Variants in SPPL2A observed in about 807,000 individuals in gnomAD.
The protein encoded by SPPL2A is signal peptide peptidase-like 2A.
Under a neutral mutation model 63.8 loss-of-function variants are expected in SPPL2A, and 51 were observed. The observed-to-expected ratio is 0.80, with a 90% CI of 0.64 to 1.01. SPPL2A has a LOEUF of 1.01. Among genes scored for constraint, SPPL2A ranks in the 50% least tolerant of loss-of-function variants. The probability of loss-of-function intolerance (pLI) is 0.00; values close to 1 mark genes in which losing one functional copy is unlikely to be tolerated. For missense variants in SPPL2A, 553 were observed against 622.7 expected (o/e 0.89, Z 1.19); for synonymous variants, 188 against 205.8 (o/e 0.91, Z 0.74).
chr15:50,712,485 A>G (rs968021413), intron 14 of SPPL2A, among the ~76,000 whole-genome samples: 19 of 152,118 alleles, frequency 1.2e-4, no homozygotes, highest in Middle Eastern at 3.2e-3. Context: ...CCCATCTCAC[A>G]GTGGAACCAT....
chr15:50,760,039 G>A (rs2062995916), intron 1 of SPPL2A, among the ~76,000 whole-genome samples: 1 of 152,186 alleles, frequency 6.6e-6, no homozygotes. Context: ...AAGTTAAAAG[G>A]AGGAAATGTA....
At chr15:50,712,679 C>CTTTT (rs1555440537) in intron 14 of SPPL2A, among the ~76,000 whole-genome samples, 2 of 102,938 alleles carry the variant, frequency 1.9e-5, no homozygotes, top group Admixed American at 2.0e-4. Context: ...CTCCCCCCCC[C>CTTTT]TTTTTTTTTT....
At chr15:50,751,142 G>A (rs1382768582) in intron 1 of SPPL2A, among the ~76,000 whole-genome samples, 1 of 152,186 alleles carries the variant, frequency 6.6e-6, no homozygotes, top group African/African-American at 2.4e-5. Context: ...CATGCCATCA[G>A]ATTACATAGA....
At chr15:50,708,067 G>T (rs1217428508) in intron 14 of SPPL2A, among the ~76,000 whole-genome samples, 193 bp from the exon 15 acceptor site, 1 of 152,192 alleles carries the variant, frequency 6.6e-6, no homozygotes, top group Non-Finnish European at 1.5e-5. Flanking sequence ...AACCTCTCAG[G>T]AAGCCTAATC....
chr15:50,745,296 G>A (rs531811878), intron 5 of SPPL2A, among the ~76,000 whole-genome samples: 3 of 152,072 alleles, frequency 2.0e-5, no homozygotes, highest in African/African-American at 7.2e-5. Flanking sequence ...GACTACAGGC[G>A]CACGCCACCA....
intron 8 of SPPL2A, among the ~76,000 whole-genome samples, chr15:50,735,500 T>C (rs1567158765): frequency 1.3e-5 from 2 of 150,410 alleles, no homozygotes; most frequent in African/African-American, 2.4e-5. Flanking sequence ...TGTGTATATA[T>C]ACACACACAC....
intron 14 of SPPL2A, among the ~76,000 whole-genome samples, chr15:50,710,569 T>G (rs1389783212): frequency 6.6e-6 from 1 of 152,218 alleles, no homozygotes; most frequent in African/African-American, 2.4e-5. Context: ...TCATCATATT[T>G]GGAAACAGGA....
chr15:50,754,976 C>T (rs907955123), intron 1 of SPPL2A, among the ~76,000 whole-genome samples: 6 of 148,436 alleles, frequency 4.0e-5, no homozygotes, highest in Admixed American at 6.8e-5. Flanking sequence ...GAGTGAAACT[C>T]GGTCTCAAAA....
rs991383964 is a variant in SPPL2A, at chr15:50,704,609, C to T, written c.*3191G>A. The T allele has an allele frequency of 9.9e-5, 15 of 152,050 alleles. No homozygotes were observed. Among genetic ancestry groups the T allele is most frequent in the South Asian group, 6.2e-4 (3 of 4,824 alleles). The allele number at this position is 152,050 out of a possible 1,614,324, so 9.4% of individuals were successfully genotyped here. ...ACATGTTTAGGGAAAAAACCAGCTT[C>T]TCTTCCCCTTAAAGTTATTGGTGGT... On this transcript the variant is annotated 3_prime_UTR_variant, in exon 15 of 15. Transcript: ENST00000261854.
chr15:50,746,627 G>A (rs1374442978), intron 5 of SPPL2A: 1 of 146,014 alleles, frequency 6.8e-6, no homozygotes, highest in Non-Finnish European at 1.5e-5. Context: ...TTATTTAACT[G>A]TGTCTATGTT....
intron 1 of SPPL2A, among the ~76,000 whole-genome samples, chr15:50,760,412 C>G (rs970026900): frequency 6.6e-6 from 1 of 152,174 alleles, no homozygotes; most frequent in African/African-American, 2.4e-5. Flanking sequence ...AGGCACCCAC[C>G]ACCGTGCCCA....
At chr15:50,753,791 TTC>T (rs1441624713) in intron 1 of SPPL2A, among the ~76,000 whole-genome samples, 1 of 152,156 alleles carries the variant, frequency 6.6e-6, no homozygotes, top group East Asian at 1.9e-4. Context: ...TGGAGTTTCT[TTC>T]TCTCTTTTTT....
chr15:50,759,941 C>T (rs12903544), intron 1 of SPPL2A, among the ~76,000 whole-genome samples: 37,956 of 151,728 alleles, frequency 0.25, 5,701 homozygotes, highest in East Asian at 0.55. Context: ...AGATATATAG[C>T]CATTAGTGAC....
chr15:50,755,317 C>CA (rs112405405), intron 1 of SPPL2A, among the ~76,000 whole-genome samples: 2,000 of 119,524 alleles, frequency 0.017, 31 homozygotes, highest in East Asian at 0.047. Context: ...GACTCTGTCT[C>CA]AAAAAAAAAA....
In SPPL2A at chr15:50,765,593, G is replaced by A. The variant is rs2063053625; in HGVS notation, c.-60C>T. ...CGGCGCAGCTCACTCGGCGGGGTAG[G>A]CTCGGAGTCCCGCCGCTGCGCTGCC... On this transcript the variant is annotated 5_prime_UTR_variant, in exon 1 of 15. Coordinates refer to ENST00000261854, the MANE Select transcript of SPPL2A (RefSeq NM_032802.4). The A allele has an allele frequency of 8.5e-7, 1 of 1,180,698 alleles. No individual in the cohort carries two copies. The highest frequency in any genetic ancestry group is 2.1e-5 in the South Asian group (1 of 48,488). 73.1% of individuals were successfully genotyped at this position (1,180,698 alleles called of 1,614,324 possible).
chr15:50,719,020 A>T (rs944564960), intron 14 of SPPL2A, among the ~76,000 whole-genome samples: 2 of 152,070 alleles, frequency 1.3e-5, no homozygotes, highest in African/African-American at 4.8e-5. Flanking sequence ...GGGTTTCCCA[A>T]CTCTTCTTAA....
intron 5 of SPPL2A, chr15:50,742,816 C>T (rs927427310): frequency 5.3e-5 from 8 of 152,152 alleles, no homozygotes; most frequent in Admixed American, 3.3e-4. Context: ...CTTGTTTCTG[C>T]TCCATCATCA....
In SPPL2A at chr15:50,749,605, T is replaced by G. The variant is rs772090751; in HGVS notation, c.177+31A>C. 5.9e-6 allele frequency: 8 copies of G among 1,357,762 alleles called. No homozygotes were observed. The East Asian group carries it at 1.8e-4, about 31-fold the overall frequency. 84.1% of individuals were successfully genotyped at this position (1,357,762 alleles called of 1,614,324 possible). ...CCAGCCTCCTTCTTCACTATTTTTA[T>G]GTTTATGAATAGTAACTGTGATTTA... On this transcript the variant is annotated intron_variant, in intron 2 of 14. Coordinates refer to ENST00000261854, the MANE Select transcript of SPPL2A (RefSeq NM_032802.4).
intron 14 of SPPL2A, among the ~76,000 whole-genome samples, chr15:50,711,430 C>T (rs1448523175): frequency 2.0e-5 from 3 of 151,976 alleles, no homozygotes; most frequent in South Asian, 2.1e-4. Context: ...AGGCTGGTCT[C>T]GAACTCCTGA....
Sources: allele counts gnomAD v4.1 joint callset (sites outside exome capture counted in the v4.1 genomes callset), GRCh38; gene constraint gnomAD v4.1.1; transcripts MANE v1.5; gene names NCBI Gene and HGNC (gene_info 2026-07-23, HGNC 2026-07-21).